The following PTPN11 variants were observed in gnomAD, a reference collection of about 807,000 sequenced individuals.
The protein encoded by PTPN11 is tyrosine-protein phosphatase non-receptor type 11.
Under a neutral mutation model 78.8 loss-of-function variants are expected in PTPN11, and 6 were observed. The ratio of observed to expected loss-of-function variants is 0.08; its 90% confidence interval spans 0.04 to 0.15. The LOEUF (loss-of-function observed/expected upper bound fraction) is 0.15, where lower values mean the gene tolerates loss of function less well. PTPN11 is among the 10% of genes least tolerant of loss of function. The pLI, the probability that PTPN11 is intolerant of heterozygous loss-of-function variation, is 1.00. For missense variants in PTPN11, 386 were observed against 744.8 expected (o/e 0.52, Z 5.61); for synonymous variants, 221 against 263.5 (o/e 0.84, Z 1.56).
intron 1 of PTPN11, among the ~76,000 whole-genome samples, chr12:112,439,784 T>TTA (rs1566160916): frequency 3.0e-5 from 4 of 131,570 alleles, no homozygotes; most frequent in Non-Finnish European, 4.8e-5. Flanking sequence ...TGTCCTTTTT[T>TTA]AAAAAAAAAA....
At chr12:112,464,191 T>G (rs2038291040) in intron 6 of PTPN11, among the ~76,000 whole-genome samples, 1 of 152,228 alleles carries the variant, frequency 6.6e-6, no homozygotes, top group South Asian at 2.1e-4. Flanking sequence ...CTCCTGGTGT[T>G]CTGTAAAATT....
chr12:112,453,072 T>G lies in PTPN11; in HGVS notation c.333-123T>G, dbSNP rs2038100466. ...GTCTCAGGTGGGATTGATCAATCCCTTGGAGGAATGTGTCTACTTTTTAAT... is the reference window on the plus strand; with the variant it reads ...GTCTCAGGTGGGATTGATCAATCCCGTGGAGGAATGTGTCTACTTTTTAAT... On this transcript the variant is annotated intron_variant, in intron 3 of 15. Coordinates refer to ENST00000351677, the MANE Select transcript of PTPN11 (RefSeq NM_002834.5). 3 of 851,450 alleles carry G rather than the reference T, an allele frequency of 3.5e-6. No individual in the cohort carries two copies. In the East Asian group the frequency reaches 7.8e-5, roughly 22 times the overall value. 52.7% of individuals were successfully genotyped at this position (851,450 alleles called of 1,614,324 possible). A position where few individuals can be genotyped will look rare whatever the true frequency, so the allele number is the denominator to read the frequency against.
chr12:112,491,160 G>A (rs538770211), intron 13 of PTPN11, among the ~76,000 whole-genome samples: 1 of 151,850 alleles, frequency 6.6e-6, no homozygotes, highest in Non-Finnish European at 1.5e-5. Flanking sequence ...GAATCCAGGG[G>A]AAAGTGCAAA....
intron 6 of PTPN11, among the ~76,000 whole-genome samples, chr12:112,467,715 G>A (rs941258646): frequency 9.2e-5 from 14 of 152,006 alleles, no homozygotes; most frequent in African/African-American, 3.4e-4. Context: ...GGCTGGTCTC[G>A]GACTCCTGAT....
intron 3 of PTPN11, among the ~76,000 whole-genome samples, chr12:112,451,549 T>G (rs2038079182): frequency 6.6e-6 from 1 of 152,214 alleles, no homozygotes; most frequent in African/African-American, 2.4e-5. Context: ...GACTGTCTGA[T>G]GTGCTGGTTA....
At chr12:112,432,666 C>G (rs1205090232) in intron 1 of PTPN11, among the ~76,000 whole-genome samples, 1 of 134,482 alleles carries the variant, frequency 7.4e-6, no homozygotes, top group Non-Finnish European at 1.6e-5. Flanking sequence ...AAAACTCCAT[C>G]TCAAAAAAAA....
chr12:112,468,422 A>T (rs919152569), intron 6 of PTPN11, among the ~76,000 whole-genome samples: 2 of 152,192 alleles, frequency 1.3e-5, no homozygotes, highest in African/African-American at 4.8e-5. Context: ...TGGGCAGAGC[A>T]TGGAAAGTCA....
At chr12:112,428,068 C>G (rs2037650786) in intron 1 of PTPN11, among the ~76,000 whole-genome samples, 1 of 152,116 alleles carries the variant, frequency 6.6e-6, no homozygotes, top group Non-Finnish European at 1.5e-5. Flanking sequence ...GTCTTTTTAT[C>G]CTTTACTCCT....
chr12:112,466,374 A>G (rs1158910151), intron 6 of PTPN11, among the ~76,000 whole-genome samples: 1 of 152,190 alleles, frequency 6.6e-6, no homozygotes, highest in African/African-American at 2.4e-5. Flanking sequence ...ACAGGCCAGT[A>G]CAATTGGAAT....
intron 1 of PTPN11, among the ~76,000 whole-genome samples, chr12:112,444,456 C>T (rs111433590): frequency 6.6e-6 from 1 of 152,046 alleles, no homozygotes; most frequent in South Asian, 2.1e-4. Context: ...ATTCTCCTGC[C>T]TCAGCCTCTC....
chr12:112,423,320 C>T (rs556358771), intron 1 of PTPN11, among the ~76,000 whole-genome samples: 2 of 151,894 alleles, frequency 1.3e-5, no homozygotes, highest in South Asian at 4.1e-4. Context: ...GAGTCTTACT[C>T]AGTCACCCAG....
rs975718308 is a variant in PTPN11, at chr12:112,428,976, A to G, written c.14+9851A>G. 7 of 152,358 alleles carry G rather than the reference A, an allele frequency of 4.6e-5. 1 individual carries two copies. The highest frequency in any genetic ancestry group is 3.3e-4 in the Admixed American group (5 of 15,256). The allele number at this position is 152,358 out of a possible 1,614,324, so 9.4% of individuals were successfully genotyped here. A position where few individuals can be genotyped will look rare whatever the true frequency, so the allele number is the denominator to read the frequency against. ...TGGTCAGGCTGGTCTCGAACTCCCA[A>G]CCTCAGCTGATCCGCCTGCCTCGGC... is the stretch of plus-strand genomic sequence containing the variant. On this transcript the variant is annotated intron_variant, in intron 1 of 15. Coordinates refer to ENST00000351677, the MANE Select transcript of PTPN11 (RefSeq NM_002834.5).
intron 4 of PTPN11, among the ~76,000 whole-genome samples, chr12:112,454,268 C>T (rs1310850746): frequency 6.6e-6 from 1 of 151,994 alleles, no homozygotes; most frequent in Non-Finnish European, 1.5e-5. Context: ...TACAGGTGTC[C>T]ACCACCAAGC....
chr12:112,480,271 A>T (rs769300523), intron 9 of PTPN11, among the ~76,000 whole-genome samples: 32 of 152,206 alleles, frequency 2.1e-4, no homozygotes, highest in Non-Finnish European at 4.3e-4. Flanking sequence ...GGGGAAACTA[A>T]AATTTGCATC....
intron 1 of PTPN11, among the ~76,000 whole-genome samples, chr12:112,430,417 T>G (rs1172639018): frequency 6.6e-6 from 1 of 151,786 alleles, no homozygotes; most frequent in African/African-American, 2.4e-5. Context: ...TATAGGTTTG[T>G]TGTTGTTGTT....
intron 6 of PTPN11, among the ~76,000 whole-genome samples, chr12:112,472,507 A>C (rs2038433901): frequency 6.7e-6 from 1 of 150,100 alleles, no homozygotes; most frequent in African/African-American, 2.4e-5. Flanking sequence ...GCATTTCTCC[A>C]CAGTTGTTGC....
At chr12:112,443,054 A>G (rs1005541077) in intron 1 of PTPN11, among the ~76,000 whole-genome samples, 2 of 150,912 alleles carry the variant, frequency 1.3e-5, no homozygotes, top group African/African-American at 2.4e-5. Flanking sequence ...TCATTGCTCC[A>G]AAATACTTCA....
At chr12:112,477,047 G>GA in intron 7 of PTPN11, among the ~76,000 whole-genome samples, 1 of 151,276 alleles carries the variant, frequency 6.6e-6, no homozygotes, top group Non-Finnish European at 1.5e-5. Context: ...TTTTTCTTGA[G>GA]ACTGTGTCTC....
At chr12:112,441,333 C>T (rs1247126069) in intron 1 of PTPN11, among the ~76,000 whole-genome samples, 1 of 151,886 alleles carries the variant, frequency 6.6e-6, no homozygotes, top group Non-Finnish European at 1.5e-5. Flanking sequence ...GCGATCTCTG[C>T]TCACTGCATT....
Sources: gnomAD v4.1 joint callset for allele counts (sites outside exome capture counted in the v4.1 genomes callset) on GRCh38, gnomAD v4.1.1 for gene constraint, MANE v1.5 for transcripts, NCBI Gene and HGNC (gene_info 2026-07-23, HGNC 2026-07-21) for gene names.